Variants in ADCY8 observed in about 807,000 individuals in gnomAD.
The protein encoded by ADCY8 is adenylate cyclase 8, also known as adenylate cyclase type 8.
ADCY8 carries 51 observed loss-of-function variants against 119.7 expected under a neutral mutation model. The ratio of observed to expected loss-of-function variants is 0.43; its 90% CI spans 0.34 to 0.54. The LOEUF is 0.54. ADCY8 is among the 20% of genes least tolerant of loss of function. The probability of loss-of-function intolerance (pLI) is 0.03; values close to 1 mark genes in which losing one functional copy is unlikely to be tolerated. For synonymous variants in ADCY8, 665 were observed against 651.0 expected, an observed-to-expected ratio of 1.02 and a Z score of -0.33; for missense variants, 1,383 against 1,598.8, an observed-to-expected ratio of 0.87 and a Z score of 2.30.
At chr8:130,991,243 A>G (rs1189306196) in intron 1 of ADCY8, among the ~76,000 whole-genome samples, 1 of 152,214 alleles carries the variant, frequency 6.6e-6, no homozygotes, top group Non-Finnish European at 1.5e-5. Context: ...TACACAAAGT[A>G]TGAATTTCTT....
Position 130,884,717 on chromosome 8 carries a change from G to T in ADCY8, c.1956C>A (p.Asn652Lys). Residue 652 changes from asparagine (N) to lysine (K), a missense_variant, in exon 8 of 18, where the codon AAC becomes AAA. Around this residue, in one of 2 missense-constraint regions of ADCY8, gnomAD observed 928 missense variants for 1,163.5 expected, o/e 0.80. Transcript: ENST00000286355. The stretch of plus-strand genomic sequence containing the variant: ...GGACATGCAAAGCTTGTGCAAGATG[G>T]TTTGGAAGCAGATTTATTGAATTTC... ...LTRNSINLLP[N>K]HLAQALHVQS... 1 of 1,613,936 alleles carries T rather than the reference G, an allele frequency of 6.2e-7. No individual in the cohort carries two copies. The highest frequency in any genetic ancestry group is 8.5e-7 in the Non-Finnish European group (1 of 1,179,844).
At chr8:130,926,884 C>G (rs1448568721) in intron 5 of ADCY8, among the ~76,000 whole-genome samples, 3 of 151,034 alleles carry the variant, frequency 2.0e-5, no homozygotes, top group African/African-American at 7.3e-5. Flanking sequence ...CCACGTTCAT[C>G]TATATTATTG....
intron 8 of ADCY8, among the ~76,000 whole-genome samples, chr8:130,869,703 G>C (rs1818267368): frequency 6.6e-6 from 1 of 151,510 alleles, no homozygotes; most frequent in Non-Finnish European, 1.5e-5. Context: ...ATTTTTAGTA[G>C]AGATGGGGTT....
Position 130,990,390 on chromosome 8 carries a change from T to C in ADCY8, c.1110+3A>G. 1 of 1,614,056 alleles carries C rather than the reference T, an allele frequency of 6.2e-7. No homozygotes were observed. The highest frequency in any genetic ancestry group is 8.5e-7 in the Non-Finnish European group (1 of 1,179,960). ...TAAAACACACAGCCTTGTCAGTTGGTACCTGTCTTTGGTTCTCTGTCTCCA... is the reference window on the plus strand; with the variant it reads ...TAAAACACACAGCCTTGTCAGTTGGCACCTGTCTTTGGTTCTCTGTCTCCA... On this transcript the variant is annotated splice_donor_region_variant and intron_variant, in intron 2 of 17. Coordinates refer to ENST00000286355, the MANE Select transcript of ADCY8 (RefSeq NM_001115.3).
At chr8:130,932,860 A>T (rs993664893) in intron 5 of ADCY8, among the ~76,000 whole-genome samples, 8 of 152,148 alleles carry the variant, frequency 5.3e-5, no homozygotes, top group African/African-American at 1.9e-4. Flanking sequence ...GTTGTAGAGG[A>T]TTTCTATCAC....
At chr8:131,009,808 G>A (rs1438969122) in intron 1 of ADCY8, among the ~76,000 whole-genome samples, 1 of 152,186 alleles carries the variant, frequency 6.6e-6, no homozygotes, top group African/African-American at 2.4e-5. Context: ...AAGCAAGGAT[G>A]GGGAAAGTGT....
rs570436322 is a variant in ADCY8 at position 130,844,624 on chromosome 8, C to T, written c.2502+2800G>A. 3.3e-5 allele frequency among the ~76,000 whole-genome samples: 5 copies of T among 152,206 alleles called. No individual in the cohort carries two copies. The East Asian group carries it at 9.7e-4, about 29-fold the overall frequency. ...CTTTCAGAAGGTCTGAATATCTAAT[C>T]CATTTTAGTTTGGCAATGCCTAGTC... On this transcript the variant is annotated intron_variant, in intron 11 of 17. Coordinates refer to ENST00000286355, the MANE Select transcript of ADCY8 (RefSeq NM_001115.3).
chr8:130,786,477 AG>A (rs1815252587), intron 15 of ADCY8, among the ~76,000 whole-genome samples: 1 of 152,176 alleles, frequency 6.6e-6, no homozygotes, highest in South Asian at 2.1e-4. Flanking sequence ...CATGACAAAA[AG>A]GACTTTGCAG....
At chr8:130,799,364 A>T (rs1448142162) in intron 15 of ADCY8, among the ~76,000 whole-genome samples, 2 of 152,252 alleles carry the variant, frequency 1.3e-5, no homozygotes, top group Admixed American at 1.3e-4. Flanking sequence ...CACGATGTAC[A>T]CATATATCAA....
At chr8:130,948,449 G>A (rs758207395) in intron 3 of ADCY8, among the ~76,000 whole-genome samples, 2 of 152,032 alleles carry the variant, frequency 1.3e-5, no homozygotes, top group African/African-American at 2.4e-5. Context: ...ATTGGGAAAC[G>A]GAGGCCCACA....
At chr8:130,794,275 T>C (rs9297815) in intron 15 of ADCY8, among the ~76,000 whole-genome samples, 97,148 of 152,078 alleles carry the variant, frequency 0.64, 32,522 homozygotes, top group African/African-American at 0.82. Flanking sequence ...GACAGAGTCT[T>C]GCACTGTTGC....
At chr8:130,874,157 A>C (rs1180454925) in intron 8 of ADCY8, among the ~76,000 whole-genome samples, 1 of 151,774 alleles carries the variant, frequency 6.6e-6, no homozygotes, top group East Asian at 1.9e-4. Context: ...AAAATACAAA[A>C]ATTAGCTGGG....
intron 1 of ADCY8, among the ~76,000 whole-genome samples, chr8:130,992,169 T>A (rs1409649569): frequency 6.6e-6 from 1 of 150,558 alleles, no homozygotes; most frequent in Non-Finnish European, 1.5e-5. Context: ...AACCTCTGCC[T>A]CTGGGGTTCA....
chr8:130,846,202 G>C (rs1163348315), intron 11 of ADCY8, among the ~76,000 whole-genome samples: 3 of 152,004 alleles, frequency 2.0e-5, no homozygotes, highest in Non-Finnish European at 4.4e-5. Flanking sequence ...AATCTACCCA[G>C]AGTCCTAGGT....
intron 11 of ADCY8, among the ~76,000 whole-genome samples, chr8:130,841,936 A>G (rs1817155534): frequency 6.6e-6 from 1 of 152,116 alleles, no homozygotes; most frequent in Admixed American, 6.6e-5. Flanking sequence ...ACCAGCCTAG[A>G]CTCTGCAGAA....
chr8:131,023,130 C>A (rs1294620698), intron 1 of ADCY8, among the ~76,000 whole-genome samples: 2 of 152,056 alleles, frequency 1.3e-5, no homozygotes, highest in African/African-American at 2.4e-5. Flanking sequence ...TGCAGGAATA[C>A]CATTAAGAGT....
At chr8:130,788,807 T>C (rs182446218) in intron 15 of ADCY8, among the ~76,000 whole-genome samples, 50 of 152,204 alleles carry the variant, frequency 3.3e-4, no homozygotes, top group African/African-American at 1.2e-3. Context: ...AATTTGCAAA[T>C]TTATTTGCAC....
At chr8:130,815,393 A>G (rs1339819462) in intron 13 of ADCY8, among the ~76,000 whole-genome samples, 1 of 152,256 alleles carries the variant, frequency 6.6e-6, no homozygotes, top group Non-Finnish European at 1.5e-5. Context: ...TCATTAAATA[A>G]GTTATCATAA....
chr8:131,009,429 A>G (rs993055646), intron 1 of ADCY8, among the ~76,000 whole-genome samples: 14 of 152,150 alleles, frequency 9.2e-5, no homozygotes, highest in African/African-American at 3.4e-4. Context: ...CATGATAGTG[A>G]GTGAGTCCTC....
Sources: allele counts gnomAD v4.1 joint callset (sites outside exome capture counted in the v4.1 genomes callset), GRCh38; gene constraint gnomAD v4.1.1; regional missense constraint gnomAD v4.1.1; transcripts MANE v1.5; gene names NCBI Gene and HGNC (gene_info 2026-07-23, HGNC 2026-07-21).